Variants in TSNARE1 observed in about 807,000 individuals in gnomAD.
TSNARE1 encodes the protein t-SNARE domain containing 1, also known as t-SNARE domain-containing protein 1.
A neutral mutation model predicts 62.0 loss-of-function variants in TSNARE1; 49 were observed. The observed-to-expected ratio is 0.79, with a 90% CI of 0.63 to 1.00. The LOEUF (loss-of-function observed/expected upper bound fraction) is 1.00. Ranked by LOEUF, TSNARE1 falls within the 50% of genes least tolerant of loss-of-function variation. The pLI, the probability that TSNARE1 is intolerant of heterozygous loss-of-function variation, is 0.00. For missense variants in TSNARE1, 755 were observed against 700.1 expected, an observed-to-expected ratio of 1.08 and a Z score of -0.88; for synonymous variants, 328 against 294.4, an observed-to-expected ratio of 1.11 and a Z score of -1.17.
At chr8:142,277,021 G>C (rs978949715) in intron 11 of TSNARE1, 1 of 985,448 alleles carries the variant, frequency 1.0e-6, no homozygotes. Context: ...CGTGTTGCTC[G>C]TGGGGTGAGG....
At chr8:142,394,479 G>A (rs1336677927) in intron 1 of TSNARE1, among the ~76,000 whole-genome samples, 1 of 152,210 alleles carries the variant, frequency 6.6e-6, no homozygotes, top group Non-Finnish European at 1.5e-5. Context: ...GACGATGATG[G>A]CAGCAGGTCT....
intron 1 of TSNARE1, among the ~76,000 whole-genome samples, chr8:142,389,197 G>A (rs1022943739): frequency 6.6e-6 from 1 of 152,146 alleles, no homozygotes; most frequent in Non-Finnish European, 1.5e-5. Flanking sequence ...TGCTTCTCTA[G>A]ATACAGAAGA....
At chr8:142,225,527 C>A (rs1481994693) in intron 13 of TSNARE1, among the ~76,000 whole-genome samples, 1 of 152,144 alleles carries the variant, frequency 6.6e-6, no homozygotes, top group East Asian at 1.9e-4. Context: ...CACTCCTGGG[C>A]CCTCTGCAGT....
At position 142,274,448 on chromosome 8, in the gene TSNARE1, A is replaced by AT. The variant is rs1270096752; in HGVS notation, c.1446+332dup. 7 of 985,376 alleles carry AT rather than the reference A, an allele frequency of 7.1e-6. No individual in the cohort carries two copies. The African/African-American group carries it at 1.2e-4, about 17-fold the overall frequency. 61.0% of individuals were successfully genotyped at this position (985,376 alleles called of 1,614,324 possible). On this transcript the variant is annotated intron_variant, in intron 12 of 13. Coordinates refer to ENST00000524325, the MANE Select transcript of TSNARE1 (RefSeq NM_145003.5). The stretch of plus-strand genomic sequence containing the variant: ...CGCCCCAGTATGGACACTGAGCTGC[A>AT]TGTCAGCATCTGGCACAGGAGGTGG...
chr8:142,331,833 T>G lies in TSNARE1; in HGVS notation c.746-2A>C, dbSNP rs1284795506. 2 of 1,607,024 alleles carry G rather than the reference T, an allele frequency of 1.2e-6. No individual in the cohort carries two copies. Among genetic ancestry groups the G allele is most frequent in the Non-Finnish European group, 1.7e-6 (2 of 1,176,842 alleles). Reference sequence around the variant, plus strand: ...GGTTGCACGGATCGACCTGGGTGGCTGGGAGAAGACAGGGAGGAGGAAAGA... The same window carrying G: ...GGTTGCACGGATCGACCTGGGTGGCGGGGAGAAGACAGGGAGGAGGAAAGA... On this transcript the variant is annotated splice_acceptor_variant, in intron 4 of 13. Transcript: ENST00000524325. LOFTEE classifies it high-confidence loss of function.
intron 12 of TSNARE1, among the ~76,000 whole-genome samples, chr8:142,257,853 A>G (rs1818661580): frequency 6.6e-6 from 1 of 152,104 alleles, no homozygotes; most frequent in South Asian, 2.1e-4. Context: ...CTGGCCCCAC[A>G]GCCAGAAAGT....
chr8:142,339,994 G>A (rs906456824), intron 4 of TSNARE1, among the ~76,000 whole-genome samples: 15 of 152,256 alleles, frequency 9.9e-5, no homozygotes, highest in African/African-American at 3.1e-4. Context: ...TGATGCAGCC[G>A]GAGAGCTGGG....
At chr8:142,314,292 G>T in intron 9 of TSNARE1, 92 bp downstream of exon 9, 1 of 1,239,506 alleles carries the variant, frequency 8.1e-7, no homozygotes, top group Non-Finnish European at 1.2e-6. Flanking sequence ...CCCTGCCCTT[G>T]GCCCTCCCCG....
chr8:142,275,412 G>A (rs1328689672), intron 11 of TSNARE1: 6 of 985,326 alleles, frequency 6.1e-6, no homozygotes, highest in Non-Finnish European at 7.2e-6. Context: ...ATGGTACCTG[G>A]GAAAAGCCGG....
intron 9 of TSNARE1, among the ~76,000 whole-genome samples, chr8:142,304,854 C>T (rs1826399393): frequency 1.3e-5 from 2 of 152,232 alleles, no homozygotes; most frequent in African/African-American, 4.8e-5. Context: ...CCATACACGC[C>T]CCTGGAGAGC....
At chr8:142,272,433 C>CAACT (rs1819705063) in intron 12 of TSNARE1, among the ~76,000 whole-genome samples, 1 of 63,818 alleles carries the variant, frequency 1.6e-5, no homozygotes, top group African/African-American at 9.0e-5. Flanking sequence ...CCTATCCACC[C>CAACT]GCCTGTCTAC....
At chr8:142,336,927 A>T (rs1452975969) in intron 4 of TSNARE1, among the ~76,000 whole-genome samples, 4 of 152,254 alleles carry the variant, frequency 2.6e-5, no homozygotes, top group African/African-American at 7.2e-5. Context: ...TAACAGAAGA[A>T]ATCAAAGAGA....
rs558244865 is a variant in TSNARE1, at chr8:142,277,841, G to A, written c.1364-2978C>T. ...AAACCTGAGTTCCTGCAGCCTCCAG[G>A]GCTGAGGACTTGCAGAAAAGGACTA... On this transcript the variant is annotated intron_variant, in intron 11 of 13. Transcript: ENST00000524325. 554 of 985,326 alleles carry A rather than the reference G, an allele frequency of 5.6e-4. No homozygotes were observed. In the African/African-American group the frequency reaches 9.0e-3, roughly 16 times the overall value. 61.0% of individuals were successfully genotyped at this position (985,326 alleles called of 1,614,324 possible).
At chr8:142,253,744 C>T (rs928928946) in intron 12 of TSNARE1, among the ~76,000 whole-genome samples, 1 of 152,252 alleles carries the variant, frequency 6.6e-6, no homozygotes, top group Non-Finnish European at 1.5e-5. Context: ...GCAATGGTGA[C>T]CCCTCCCGCA....
chr8:142,295,667 C>G (rs1824558801), intron 10 of TSNARE1, among the ~76,000 whole-genome samples: 1 of 152,210 alleles, frequency 6.6e-6, no homozygotes, highest in African/African-American at 2.4e-5. Context: ...GTGTATTTAT[C>G]AACTCCATTC....
intron 11 of TSNARE1, 152 bp downstream of exon 11, chr8:142,284,261 G>A: frequency 4.7e-6 from 3 of 635,028 alleles, no homozygotes; most frequent in South Asian, 1.9e-5. Flanking sequence ...GGGCAGGAGG[G>A]GAGGGAGCAG....
intron 1 of TSNARE1, among the ~76,000 whole-genome samples, chr8:142,361,948 G>A (rs565473461): frequency 2.4e-4 from 36 of 152,238 alleles, no homozygotes; most frequent in Non-Finnish European, 4.1e-4. Flanking sequence ...ACCCTTTGGG[G>A]GAAACCAGTT....
intron 1 of TSNARE1, among the ~76,000 whole-genome samples, chr8:142,402,423 G>A (rs1038223743): frequency 4.6e-5 from 7 of 152,204 alleles, no homozygotes; most frequent in African/African-American, 1.2e-4. Flanking sequence ...CATGCCTAGG[G>A]GCTACCACAC....
intron 3 of TSNARE1, 54 bp from the exon 4 acceptor site, chr8:142,344,526 G>A (rs959192544): frequency 3.6e-5 from 51 of 1,428,602 alleles, no homozygotes; most frequent in Middle Eastern, 2.5e-4. Flanking sequence ...TGGAGGCAGC[G>A]GCCCCGGCGG....
Sources: allele counts gnomAD v4.1 joint callset (sites outside exome capture counted in the v4.1 genomes callset), GRCh38; gene constraint gnomAD v4.1.1; transcripts MANE v1.5; gene names NCBI Gene and HGNC (gene_info 2026-07-23, HGNC 2026-07-21).